The following ITPR2 variants were observed in gnomAD, a reference collection of about 807,000 sequenced individuals.
ITPR2 encodes the protein inositol 1,4,5-trisphosphate-gated calcium channel ITPR2.
ITPR2 carries 207 observed loss-of-function variants against 317.1 expected under a neutral mutation model. The ratio of observed to expected loss-of-function variants is 0.65; its 90% CI spans 0.58 to 0.73. ITPR2 has a LOEUF of 0.73. ITPR2 is among the 30% of genes least tolerant of loss of function. The pLI, the probability that ITPR2 is intolerant of heterozygous loss-of-function variation, is 0.00. For missense variants in ITPR2, 2,613 were observed against 3,284.0 expected (o/e 0.80, Z 4.99); for synonymous variants, 1,156 against 1,149.1 (o/e 1.01, Z -0.12).
At chr12:26,694,866 T>C (rs1167506564) in intron 10 of ITPR2, among the ~76,000 whole-genome samples, 1 of 152,204 alleles carries the variant, frequency 6.6e-6, no homozygotes, top group Non-Finnish European at 1.5e-5. Context: ...AATTACCTGA[T>C]ACTTCACAGC....
At chr12:26,802,135 T>C (rs547727011) in intron 1 of ITPR2, among the ~76,000 whole-genome samples, 2 of 152,106 alleles carry the variant, frequency 1.3e-5, no homozygotes, top group South Asian at 4.1e-4. Context: ...ACCCTGTCTC[T>C]ACAAAAAATT....
chr12:26,599,228 C>A lies in ITPR2; in HGVS notation c.3919G>T (p.Val1307Leu). 1 of 1,614,112 alleles carries A rather than the reference C, an allele frequency of 6.2e-7. No homozygotes were observed. The highest frequency in any genetic ancestry group is 8.5e-7 in the Non-Finnish European group (1 of 1,179,958). ...GTTTGCAAAAACCTCAGGTACTCCA[C>A]GTGGCGGCCATGTGTCTCAATGCAG... Reference protein sequence around the residue: ...VHCIETHGRHVEYLRFLQTIV... With the variant: ...VHCIETHGRHLEYLRFLQTIV... Residue 1307 changes from valine to leucine, a missense_variant, in exon 30 of 57, where the codon GTG becomes TTG. This residue lies in a region of ITPR2 where 817 missense variants were observed against 897.6 expected (regional missense o/e 0.91). Transcript: ENST00000381340.
At chr12:26,687,041 T>C (rs776228191) in intron 10 of ITPR2, among the ~76,000 whole-genome samples, 6 of 152,208 alleles carry the variant, frequency 3.9e-5, no homozygotes, top group Non-Finnish European at 7.3e-5. Flanking sequence ...AGTTCATACC[T>C]AACTCCCCAG....
At chr12:26,491,478 A>G (rs1200248350) in intron 39 of ITPR2, among the ~76,000 whole-genome samples, 1 of 93,550 alleles carries the variant, frequency 1.1e-5, no homozygotes, top group Non-Finnish European at 2.2e-5. Flanking sequence ...GCAAGACTCC[A>G]TCTCAAAAAA....
At chr12:26,781,755 T>C (rs1448351836) in intron 2 of ITPR2, among the ~76,000 whole-genome samples, 1 of 151,906 alleles carries the variant, frequency 6.6e-6, no homozygotes, top group Non-Finnish European at 1.5e-5. Flanking sequence ...GTCAGTGGGC[T>C]GGGAAAGGCT....
intron 20 of ITPR2, among the ~76,000 whole-genome samples, chr12:26,655,420 C>T (rs1947347893): frequency 6.6e-6 from 1 of 151,888 alleles, no homozygotes; most frequent in Non-Finnish European, 1.5e-5. Flanking sequence ...CGAGACCATC[C>T]CAGCTAACAT....
intron 2 of ITPR2, among the ~76,000 whole-genome samples, chr12:26,783,321 G>A (rs1199604550): frequency 6.6e-6 from 1 of 152,168 alleles, no homozygotes; most frequent in Non-Finnish European, 1.5e-5. Context: ...TCTCAGAACT[G>A]GAACCTTCAA....
chr12:26,443,051 G>GT (rs1941522322), intron 46 of ITPR2, among the ~76,000 whole-genome samples: 1 of 152,064 alleles, frequency 6.6e-6, no homozygotes. Context: ...TATGAGGGTG[G>GT]TGGAGGGGTC....
chr12:26,682,636 T>C lies in ITPR2; in HGVS notation c.1186A>G (p.Thr396Ala), dbSNP rs768865006. The change falls in exon 12 of 57, where the codon ACA becomes GCA. Residue 396 changes from threonine to alanine, a missense_variant. By Grantham distance (58) the Thr-to-Ala change is moderately conservative. This residue lies in a region of ITPR2 where 515 missense variants were observed against 789.4 expected (regional missense o/e 0.65). Transcript: ENST00000381340. Reference protein sequence around the residue: ...YVRLRHLCTNTWVTSTSIPID... With the variant: ...YVRLRHLCTNAWVTSTSIPID... ...GGGATACTAGTACTGGTTACCCATG[T>C]GTTGGTGCATAAATGCCTTAACCGA... 2.5e-6 allele frequency: 4 copies of C among 1,613,166 alleles called. No individual in the cohort carries two copies. The African/African-American group carries it at 5.3e-5, about 22-fold the overall frequency.
intron 45 of ITPR2, among the ~76,000 whole-genome samples, chr12:26,453,131 A>G (rs886445499): frequency 1.4e-5 from 2 of 143,808 alleles, no homozygotes; most frequent in African/African-American, 5.2e-5. Context: ...ACCTTCTCCT[A>G]CTTCTACTTC....
intron 54 of ITPR2, among the ~76,000 whole-genome samples, chr12:26,393,236 G>C (rs954926549): frequency 4.6e-5 from 7 of 152,138 alleles, no homozygotes; most frequent in African/African-American, 1.7e-4. Context: ...TCCTTCTTTG[G>C]ATCACAACTT....
At chr12:26,381,770 G>C (rs1177956017) in intron 55 of ITPR2, among the ~76,000 whole-genome samples, 1 of 152,198 alleles carries the variant, frequency 6.6e-6, no homozygotes, top group Non-Finnish European at 1.5e-5. Context: ...GACATGGGGA[G>C]GGTGGCCATC....
chr12:26,540,812 A>C (rs571943130), intron 37 of ITPR2, among the ~76,000 whole-genome samples: 9 of 152,318 alleles, frequency 5.9e-5, no homozygotes, highest in African/African-American at 2.2e-4. Flanking sequence ...CAGCAACTGA[A>C]AAGAGTAAAT....
At chr12:26,568,545 T>G (rs1487083664) in intron 34 of ITPR2, among the ~76,000 whole-genome samples, 2 of 152,114 alleles carry the variant, frequency 1.3e-5, no homozygotes, top group Non-Finnish European at 2.9e-5. Flanking sequence ...AAATATTGCT[T>G]ATTATATAAA....
intron 56 of ITPR2, 69 bp from the exon 57 acceptor site, chr12:26,339,552 C>T: frequency 2.5e-6 from 3 of 1,178,952 alleles, no homozygotes; most frequent in Non-Finnish European, 3.8e-6. Context: ...TGGGCCACAA[C>T]CGTTTTGAGT....
chr12:26,523,978 G>T (rs776442199), intron 37 of ITPR2, among the ~76,000 whole-genome samples: 1 of 152,212 alleles, frequency 6.6e-6, no homozygotes, highest in African/African-American at 2.4e-5. Flanking sequence ...AATCTGCACG[G>T]AGTGTGCACA....
intron 37 of ITPR2, among the ~76,000 whole-genome samples, chr12:26,547,774 C>T (rs1460721325): frequency 2.0e-5 from 3 of 152,156 alleles, no homozygotes; most frequent in Non-Finnish European, 4.4e-5. Flanking sequence ...TTCATTTCCC[C>T]CATATTTACT....
intron 42 of ITPR2, among the ~76,000 whole-genome samples, 181 bp from the exon 43 acceptor site, chr12:26,481,422 A>G (rs1942542895): frequency 2.0e-5 from 3 of 152,212 alleles, no homozygotes; most frequent in Admixed American, 1.3e-4. Flanking sequence ...ATTAGTATTG[A>G]TCAAATGGTT....
At chr12:26,390,387 A>G (rs938307345) in intron 54 of ITPR2, among the ~76,000 whole-genome samples, 3 of 152,206 alleles carry the variant, frequency 2.0e-5, no homozygotes, top group African/African-American at 4.8e-5. Context: ...AGGATAAAAT[A>G]TGGTATATCC....
Sources: gnomAD v4.1 joint callset for allele counts (sites outside exome capture counted in the v4.1 genomes callset) on GRCh38, gnomAD v4.1.1 for gene constraint, gnomAD v4.1.1 regional missense constraint, MANE v1.5 for transcripts, NCBI Gene and HGNC (gene_info 2026-07-23, HGNC 2026-07-21) for gene names.